NRXN3: variants seen among roughly 807,000 people sequenced by gnomAD.
NRXN3 encodes neurexin III.
NRXN3 carries 32 observed loss-of-function variants against 137.6 expected under a neutral mutation model. The observed-to-expected ratio is 0.23, with a 90% CI of 0.18 to 0.31. The LOEUF (loss-of-function observed/expected upper bound fraction) is 0.31, where lower values mean the gene tolerates loss of function less well. Among genes scored for constraint, NRXN3 ranks in the 10% least tolerant of loss-of-function variants. NRXN3 has a pLI of 1.00. For synonymous variants in NRXN3, 798 were observed against 784.5 expected (o/e 1.02, Z -0.29); for missense variants, 1,574 against 2,062.5 (o/e 0.76, Z 4.59).
intron 10 of NRXN3, among the ~76,000 whole-genome samples, chr14:78,905,880 A>T (rs2099214512): frequency 6.6e-6 from 1 of 152,020 alleles, no homozygotes; most frequent in Admixed American, 6.6e-5. Context: ...GTATTAGGGG[A>T]TTACCAAAAT....
At chr14:79,265,800 T>C (rs566169750) in intron 15 of NRXN3, among the ~76,000 whole-genome samples, 5 of 152,340 alleles carry the variant, frequency 3.3e-5, no homozygotes, top group Admixed American at 6.5e-5. Context: ...TCTGCCTGAA[T>C]TGGGCTAAGA....
intron 19 of NRXN3, among the ~76,000 whole-genome samples, chr14:79,719,331 A>G (rs1277253368): frequency 1.6e-5 from 2 of 124,962 alleles, no homozygotes; most frequent in Non-Finnish European, 3.5e-5. Context: ...GCGTGTGTAT[A>G]TATATGTATA....
intron 20 of NRXN3, among the ~76,000 whole-genome samples, chr14:79,828,474 G>T (rs1440280567): frequency 6.6e-6 from 1 of 151,890 alleles, no homozygotes; most frequent in Non-Finnish European, 1.5e-5. Flanking sequence ...TCAAAAATTA[G>T]CCAGGCATGG....
At chr14:78,678,269 A>T (rs2098031027) in intron 6 of NRXN3, among the ~76,000 whole-genome samples, 1 of 151,420 alleles carries the variant, frequency 6.6e-6, no homozygotes, top group Admixed American at 6.6e-5. Flanking sequence ...GATAAGATTT[A>T]TCTATGTTGA....
At chr14:79,437,189 G>A (rs964825701) in intron 15 of NRXN3, among the ~76,000 whole-genome samples, 1 of 151,956 alleles carries the variant, frequency 6.6e-6, no homozygotes, top group Admixed American at 6.6e-5. Context: ...ATTCTGAGCT[G>A]CTTATACGTT....
chr14:79,851,142 A>G (rs964961706), intron 20 of NRXN3, among the ~76,000 whole-genome samples: 1 of 152,150 alleles, frequency 6.6e-6, no homozygotes, highest in African/African-American at 2.4e-5. Context: ...ATCCAGGAGA[A>G]TGTGTGTATT....
At chr14:78,720,656 C>T (rs960389661) in intron 8 of NRXN3, among the ~76,000 whole-genome samples, 1 of 152,210 alleles carries the variant, frequency 6.6e-6, no homozygotes, top group African/African-American at 2.4e-5. Flanking sequence ...TCTTCCATCT[C>T]TATCATTTTA....
rs1445679584 is a variant in NRXN3, at chr14:79,309,073, C to T, written c.3263-158148C>T. ...ATTAGGTATATCTCCCAATGCTATC[C>T]CTCCCCCCTCCCCCGACCCCACCAC... On this transcript the variant is annotated intron_variant, in intron 15 of 20. Transcript: ENST00000335750. 5.4e-3 allele frequency among the ~76,000 whole-genome samples: 410 copies of T among 75,524 alleles called. 6 individuals are homozygous for T. Among genetic ancestry groups the T allele is most frequent in the African/African-American group, 0.021 (381 of 17,956 alleles). The allele number at this position is 75,524 out of a possible 152,430, so 49.5% of individuals were successfully genotyped here.
intron 16 of NRXN3, among the ~76,000 whole-genome samples, chr14:79,537,685 C>G (rs1351216981): frequency 1.3e-5 from 2 of 152,184 alleles, no homozygotes; most frequent in East Asian, 3.9e-4. Context: ...TTAATCCAGT[C>G]TATCATTGTT....
At chr14:79,438,488 A>C (rs7140201) in intron 15 of NRXN3, among the ~76,000 whole-genome samples, 15 of 152,086 alleles carry the variant, frequency 9.9e-5, no homozygotes, top group Admixed American at 5.9e-4. Context: ...TTATTAATGT[A>C]TGGATTTTCT....
intron 15 of NRXN3, among the ~76,000 whole-genome samples, chr14:79,302,355 G>A (rs1438613082): frequency 6.6e-6 from 1 of 151,942 alleles, no homozygotes; most frequent in Non-Finnish European, 1.5e-5. Context: ...GTACAAGCAT[G>A]GCATCAGCAT....
chr14:79,204,970 CT>C (rs2066593241), intron 15 of NRXN3, among the ~76,000 whole-genome samples: 1 of 152,170 alleles, frequency 6.6e-6, no homozygotes, highest in Non-Finnish European at 1.5e-5. Context: ...ATTCTTCCCT[CT>C]AAAGAGCATT....
intron 15 of NRXN3, among the ~76,000 whole-genome samples, chr14:79,154,090 C>G (rs573926202): frequency 6.6e-6 from 1 of 152,042 alleles, no homozygotes; most frequent in Non-Finnish European, 1.5e-5. Flanking sequence ...ATGACTTTTA[C>G]TTTACTTAAT....
At chr14:78,580,383 T>C (rs2096981292) in intron 4 of NRXN3, among the ~76,000 whole-genome samples, 1 of 152,196 alleles carries the variant, frequency 6.6e-6, no homozygotes, top group African/African-American at 2.4e-5. Context: ...TTATCCTAAG[T>C]TGACACCAGG....
At chr14:78,839,952 T>C (rs902570652) in intron 10 of NRXN3, among the ~76,000 whole-genome samples, 1 of 152,208 alleles carries the variant, frequency 6.6e-6, no homozygotes, top group African/African-American at 2.4e-5. Context: ...TTATAGAACA[T>C]GAACACATTT....
chr14:79,234,922 G>A (rs774549039), intron 15 of NRXN3, among the ~76,000 whole-genome samples: 2 of 152,060 alleles, frequency 1.3e-5, no homozygotes, highest in Admixed American at 6.6e-5. Context: ...CTAAACAAGA[G>A]TGTTTATTTA....
intron 8 of NRXN3, among the ~76,000 whole-genome samples, chr14:78,785,087 A>G (rs1252904415): frequency 6.6e-6 from 1 of 152,228 alleles, no homozygotes; most frequent in Admixed American, 6.5e-5. Flanking sequence ...TAGTCCAACT[A>G]TAAGAGAAAA....
At chr14:79,074,062 C>T (rs1475103273) in intron 15 of NRXN3, among the ~76,000 whole-genome samples, 1 of 152,192 alleles carries the variant, frequency 6.6e-6, no homozygotes. Flanking sequence ...CATTATCTAA[C>T]ACATTACCTT....
chr14:79,305,116 CT>C (rs1264339054), intron 15 of NRXN3, among the ~76,000 whole-genome samples: 3 of 151,956 alleles, frequency 2.0e-5, no homozygotes, highest in African/African-American at 7.2e-5. Flanking sequence ...TTGTCATGTT[CT>C]TCATCTGTAA....
Sources: gnomAD v4.1 joint callset for allele counts (sites outside exome capture counted in the v4.1 genomes callset) on GRCh38, gnomAD v4.1.1 for gene constraint, MANE v1.5 for transcripts, NCBI Gene and HGNC (gene_info 2026-07-23, HGNC 2026-07-21) for gene names.